The following ASXL3 variants were observed in gnomAD, a reference collection of about 807,000 sequenced individuals.
The protein encoded by ASXL3 is putative Polycomb group protein ASXL3.
ASXL3 carries 34 observed loss-of-function variants against 170.6 expected under a neutral mutation model. The observed-to-expected ratio is 0.20, with a 90% CI of 0.15 to 0.27. The LOEUF (loss-of-function observed/expected upper bound fraction) is 0.27, where lower values mean the gene tolerates loss of function less well. Among genes scored for constraint, ASXL3 ranks in the 10% least tolerant of loss-of-function variants. ASXL3 has a pLI of 1.00. For synonymous variants in ASXL3, 1,002 were observed against 989.1 expected (o/e 1.01, Z -0.24); for missense variants, 2,592 against 2,695.3 (o/e 0.96, Z 0.85).
intron 8 of ASXL3, among the ~76,000 whole-genome samples, chr18:33,691,948 C>A (rs952132052): frequency 6.6e-6 from 1 of 152,072 alleles, no homozygotes; most frequent in Non-Finnish European, 1.5e-5. Context: ...TATTATCAAC[C>A]CCACTTTCTA....
Position 33,739,306 on chromosome 18 carries a change from C to G in ASXL3, c.1902C>G (p.Ser634=). Residue 634 remains serine (S), a synonymous_variant, in exon 11 of 12, where the codon TCC becomes TCG. Coordinates refer to ENST00000269197, the MANE Select transcript of ASXL3 (RefSeq NM_030632.3). ...CTTCTCCAGGAGGGGAAACACAGTC[C>G]ACATCAGAAGAATCATGTACTCCAG... The part of the protein sequence containing the change: ...SLPSPGGETQ[S]TSEESCTPAS... 6.2e-7 allele frequency: 1 copy of G among 1,613,428 alleles called. No individual in the cohort carries two copies. The highest frequency in any genetic ancestry group is 8.5e-7 in the Non-Finnish European group (1 of 1,179,614).
intron 4 of ASXL3, among the ~76,000 whole-genome samples, chr18:33,651,102 G>A (rs1355545321): frequency 6.6e-6 from 1 of 152,106 alleles, no homozygotes; most frequent in African/African-American, 2.4e-5. Flanking sequence ...TTAGTAGCCA[G>A]TCATCATTGG....
intron 8 of ASXL3, among the ~76,000 whole-genome samples, chr18:33,692,664 T>C (rs1294578320): frequency 2.6e-5 from 4 of 152,214 alleles, no homozygotes; most frequent in Non-Finnish European, 5.9e-5. Context: ...ATTGGAATAA[T>C]GGCCTCAGGA....
chr18:33,619,521 A>G (rs900165474), intron 2 of ASXL3, among the ~76,000 whole-genome samples: 2 of 151,954 alleles, frequency 1.3e-5, no homozygotes, highest in African/African-American at 4.8e-5. Flanking sequence ...TTGCTTGTCC[A>G]ACATGAGGAT....
chr18:33,660,553 G>A (rs927401185), intron 4 of ASXL3, among the ~76,000 whole-genome samples: 2 of 152,198 alleles, frequency 1.3e-5, no homozygotes, highest in East Asian at 1.9e-4. Context: ...TCTTGAATTA[G>A]CATTAACCCT....
In ASXL3 at chr18:33,584,404, A is replaced by AC. The variant is rs1046560666; in HGVS notation, c.54+5724dup. On this transcript the variant is annotated intron_variant, in intron 1 of 11. Transcript: ENST00000269197. ...GTAATAGAAAGGGAATTAAAGACTC[A>AC]CCCCCTATTCTCCTTGCACACACAA... Among the ~76,000 whole-genome samples the AC allele has an allele frequency of 3.3e-5, 5 of 152,050 alleles. No individual in the cohort carries two copies. The East Asian group carries it at 9.7e-4, about 29-fold the overall frequency.
chr18:33,634,396 C>G (rs1346963407), intron 2 of ASXL3, among the ~76,000 whole-genome samples: 1 of 151,194 alleles, frequency 6.6e-6, no homozygotes, highest in Non-Finnish European at 1.5e-5. Flanking sequence ...TCTTTCTCCT[C>G]AGAAGCAGTG....
At chr18:33,612,665 C>T (rs1478447076) in intron 2 of ASXL3, among the ~76,000 whole-genome samples, 1 of 151,982 alleles carries the variant, frequency 6.6e-6, no homozygotes, top group Non-Finnish European at 1.5e-5. Flanking sequence ...AGGGGGATAA[C>T]ATGTCAGAAA....
rs2067731381 is a variant in ASXL3, at chr18:33,744,460, A to G, written c.4612A>G (p.Thr1538Ala). ...CAACGAAGGTATAGATCACAGTTCC[A>G]CTTTCATTGCTGCTTCGGCAGCAAA... is the stretch of plus-strand genomic sequence containing the variant. ...VANEGIDHSS[T>A]FIAASAAKQD... Residue 1538 changes from threonine to alanine, a missense_variant, in exon 12 of 12, where the codon ACT (threonine) becomes GCT (alanine). Transcript: ENST00000269197. 2 of 1,613,346 alleles carry G rather than the reference A, an allele frequency of 1.2e-6. No homozygotes were observed. The highest frequency in any genetic ancestry group is 1.3e-5 in the African/African-American group (1 of 74,914).
intron 8 of ASXL3, among the ~76,000 whole-genome samples, chr18:33,693,089 G>T (rs1336584169): frequency 6.6e-6 from 1 of 152,062 alleles, no homozygotes; most frequent in South Asian, 2.1e-4. Flanking sequence ...TGGGGTTAAG[G>T]CTTCAATATG....
Position 33,745,561 on chromosome 18 carries a change from A to G in ASXL3, c.5713A>G (p.Ser1905Gly), listed in dbSNP as rs200944752. The G allele has an allele frequency of 2.4e-4, 395 of 1,613,912 alleles. 1 individual carries two copies. Among genetic ancestry groups the G allele is most frequent in the Non-Finnish European group, 3.2e-4 (382 of 1,179,920 alleles). Residue 1905 changes from serine to glycine, a missense_variant, in exon 12 of 12, where the codon AGC becomes GGC. Around this residue, in one of 4 missense-constraint regions of ASXL3, gnomAD observed 2,246 missense variants for 2,219.6 expected, o/e 1.01. Coordinates refer to ENST00000269197, the MANE Select transcript of ASXL3 (RefSeq NM_030632.3). ...KQQKRLLPSC[S>G]FQQNLFHVDK... ...GCAAAAGCGGCTGCTCCCCTCGTGT[A>G]GCTTCCAGCAGAACCTATTTCATGT...
At chr18:33,637,260 C>T (rs747194098) in intron 2 of ASXL3, among the ~76,000 whole-genome samples, 43 of 152,062 alleles carry the variant, frequency 2.8e-4, no homozygotes, top group Admixed American at 7.2e-4. Context: ...TATTTTTTGG[C>T]ATGCCATGAT....
intron 1 of ASXL3, among the ~76,000 whole-genome samples, chr18:33,582,934 C>T (rs1205449592): frequency 6.6e-6 from 1 of 151,976 alleles, no homozygotes; most frequent in Non-Finnish European, 1.5e-5. Flanking sequence ...ACACAGATTT[C>T]CTTAAATTAA....
chr18:33,681,275 A>C (rs1233578147), intron 7 of ASXL3, among the ~76,000 whole-genome samples: 1 of 152,086 alleles, frequency 6.6e-6, no homozygotes, highest in Non-Finnish European at 1.5e-5. Context: ...GTCTATTATT[A>C]GTCACTTTGC....
In ASXL3 at chr18:33,747,495, A is replaced by G. The variant is rs1245679915; in HGVS notation, c.*900A>G. 6.6e-6 allele frequency: 1 copy of G among 152,136 alleles called. No homozygotes were observed. Among genetic ancestry groups the G allele is most frequent in the Non-Finnish European group, 1.5e-5 (1 of 68,036 alleles). The allele number at this position is 152,136 out of a possible 1,614,324, so 9.4% of individuals were successfully genotyped here. A position where few individuals can be genotyped will look rare whatever the true frequency, so the allele number is the denominator to read the frequency against. ...GCACACATAAATGCATTGATAATGT[A>G]AATATCCTATTCACGCTAATGAATT... On this transcript the variant is annotated 3_prime_UTR_variant, in exon 12 of 12. Coordinates refer to ENST00000269197, the MANE Select transcript of ASXL3 (RefSeq NM_030632.3).
chr18:33,674,010 G>C (rs969173668), intron 7 of ASXL3, among the ~76,000 whole-genome samples: 3 of 152,158 alleles, frequency 2.0e-5, no homozygotes, highest in African/African-American at 7.2e-5. Flanking sequence ...GAATGGTCTA[G>C]GTATTTTGAC....
chr18:33,640,597 A>G (rs915533016), intron 2 of ASXL3, among the ~76,000 whole-genome samples: 1 of 152,150 alleles, frequency 6.6e-6, no homozygotes, highest in South Asian at 2.1e-4. Flanking sequence ...AGTTTAGTCC[A>G]CAAATTCTAA....
In ASXL3 at chr18:33,740,271, G is replaced by A; in HGVS notation, c.2867G>A (p.Ser956Asn). 1.9e-6 allele frequency: 3 copies of A among 1,613,010 alleles called. No homozygotes were observed. Among genetic ancestry groups the A allele is most frequent in the Non-Finnish European group, 1.7e-6 (2 of 1,179,426 alleles). The change falls in exon 11 of 12, where the codon AGT becomes AAT. Residue 956 changes from serine to asparagine, a missense_variant. Transcript: ENST00000269197. Reference sequence around the variant, plus strand: ...TCACCTGATGGGATAAGAAATGAAAGTAGAGATTCAGAGATATCAAAGAGA... The same window carrying A: ...TCACCTGATGGGATAAGAAATGAAAATAGAGATTCAGAGATATCAAAGAGA... The part of the protein sequence containing the change: ...SKSPDGIRNE[S>N]RDSEISKRKT...
At chr18:33,706,723 G>C (rs1016370166) in intron 8 of ASXL3, among the ~76,000 whole-genome samples, 1 of 151,658 alleles carries the variant, frequency 6.6e-6, no homozygotes, top group Non-Finnish European at 1.5e-5. Flanking sequence ...TAAATTCAGA[G>C]TATAAGTCCT....
Sources: gnomAD v4.1 joint callset for allele counts (sites outside exome capture counted in the v4.1 genomes callset) on GRCh38, gnomAD v4.1.1 for gene constraint, gnomAD v4.1.1 regional missense constraint, MANE v1.5 for transcripts, NCBI Gene and HGNC (gene_info 2026-07-23, HGNC 2026-07-21) for gene names.